XPR1: variants seen among roughly 807,000 people sequenced by gnomAD.
The protein encoded by XPR1 is solute carrier family 53 member 1.
Under a neutral mutation model 87.5 loss-of-function variants are expected in XPR1, and 28 were observed. The observed-to-expected ratio is 0.32, with a 90% CI of 0.24 to 0.44. The LOEUF (loss-of-function observed/expected upper bound fraction) is 0.44, where lower values mean the gene tolerates loss of function less well. XPR1 is among the 20% of genes least tolerant of loss of function. The probability of loss-of-function intolerance (pLI) is 1.00; values close to 1 mark genes in which losing one functional copy is unlikely to be tolerated. For missense variants in XPR1, 559 were observed against 862.3 expected, an observed-to-expected ratio of 0.65 and a Z score of 4.41; for synonymous variants, 300 against 306.1, an observed-to-expected ratio of 0.98 and a Z score of 0.21.
intron 2 of XPR1, among the ~76,000 whole-genome samples, chr1:180,756,456 A>G (rs1236116740): frequency 6.6e-6 from 1 of 152,184 alleles, no homozygotes; most frequent in Non-Finnish European, 1.5e-5. Flanking sequence ...AAGTCTATTC[A>G]CATCCTCTGC....
At chr1:180,801,720 T>A (rs1366396353) in intron 3 of XPR1, among the ~76,000 whole-genome samples, 1 of 151,948 alleles carries the variant, frequency 6.6e-6, no homozygotes, top group East Asian at 1.9e-4. Context: ...GCATAAGTTG[T>A]AAATAATTCT....
At chr1:180,819,004 C>T (rs1259331344) in intron 7 of XPR1, among the ~76,000 whole-genome samples, 1 of 152,132 alleles carries the variant, frequency 6.6e-6, no homozygotes, top group African/African-American at 2.4e-5. Context: ...GGCTGGAGTA[C>T]AGTGGCCCCA....
chr1:180,884,260 T>G lies in XPR1; in HGVS notation c.*194T>G, dbSNP rs558532312. On this transcript the variant is annotated 3_prime_UTR_variant, in exon 15 of 15. Transcript: ENST00000367590. ...TCTTTTCTTTTCTTCTGGTTTAATT[T>G]TAATTTTCTATTTTCAAAACAAATA... 6.6e-4 allele frequency: 319 copies of G among 479,950 alleles called. 2 individuals carry two copies. The highest frequency in any genetic ancestry group is 6.0e-3 in the African/African-American group (301 of 50,382). 29.7% of individuals were successfully genotyped at this position (479,950 alleles called of 1,614,324 possible).
At chr1:180,651,946 G>T (rs1218501922) in intron 1 of XPR1, among the ~76,000 whole-genome samples, 1 of 152,196 alleles carries the variant, frequency 6.6e-6, no homozygotes, top group East Asian at 1.9e-4. Context: ...TACAAAGCCT[G>T]TGCAGTTTAC....
At chr1:180,727,191 T>C (rs1424998390) in intron 2 of XPR1, among the ~76,000 whole-genome samples, 1 of 151,922 alleles carries the variant, frequency 6.6e-6, no homozygotes, top group South Asian at 2.1e-4. Context: ...TCTAATATGA[T>C]GAAGAACAAG....
chr1:180,839,808 G>A (rs146860371), intron 11 of XPR1, among the ~76,000 whole-genome samples: 1 of 152,282 alleles, frequency 6.6e-6, no homozygotes, highest in East Asian at 1.9e-4. Context: ...CTTCTGGATG[G>A]TAAATTGTGA....
intron 3 of XPR1, among the ~76,000 whole-genome samples, chr1:180,792,102 T>C (rs1243290854): frequency 6.6e-6 from 1 of 152,188 alleles, no homozygotes; most frequent in Non-Finnish European, 1.5e-5. Flanking sequence ...GTATCTTTTT[T>C]CCCTCATTTA....
At chr1:180,827,516 G>A (rs1650893792) in intron 9 of XPR1, among the ~76,000 whole-genome samples, 1 of 152,170 alleles carries the variant, frequency 6.6e-6, no homozygotes, top group African/African-American at 2.4e-5. Context: ...TGCATCTGCT[G>A]TGTTTTTGCT....
intron 2 of XPR1, among the ~76,000 whole-genome samples, chr1:180,724,487 T>C (rs1287987015): frequency 1.3e-5 from 2 of 152,152 alleles, no homozygotes; most frequent in African/African-American, 4.8e-5. Context: ...ATGGAGGAAG[T>C]GACTTACAGA....
At chr1:180,865,622 A>AGT (rs1361576250) in intron 12 of XPR1, among the ~76,000 whole-genome samples, 1 of 152,034 alleles carries the variant, frequency 6.6e-6, no homozygotes, top group African/African-American at 2.4e-5. Flanking sequence ...GGATGGTCTC[A>AGT]GTCTCCTGAC....
intron 2 of XPR1, among the ~76,000 whole-genome samples, chr1:180,743,225 G>T (rs1364389528): frequency 4.1e-5 from 4 of 97,934 alleles, no homozygotes; most frequent in East Asian, 5.0e-4. Context: ...TTTTTTTTTT[G>T]GGGGGGGAGT....
At chr1:180,840,317 T>C (rs140107225) in intron 11 of XPR1, among the ~76,000 whole-genome samples, 6 of 151,886 alleles carry the variant, frequency 4.0e-5, no homozygotes, top group Admixed American at 3.9e-4. Context: ...AAATTTATAT[T>C]ACATTTACAA....
rs942156489 is a variant in XPR1, at chr1:180,731,105, C to T, written c.121+48694C>T. 1.4e-4 allele frequency among the ~76,000 whole-genome samples: 21 copies of T among 152,134 alleles called. 1 individual carries two copies. The highest frequency in any genetic ancestry group is 7.7e-4 in the East Asian group (4 of 5,184). On this transcript the variant is annotated intron_variant, in intron 2 of 14. Transcript: ENST00000367590. The stretch of plus-strand genomic sequence containing the variant: ...GATAATTAAAGTGGTTATGATATAC[C>T]ATTTTACTAGTGCCTAGTTTAGAAT...
At chr1:180,816,287 C>T (rs1274431658) in intron 7 of XPR1, among the ~76,000 whole-genome samples, 1 of 152,196 alleles carries the variant, frequency 6.6e-6, no homozygotes, top group South Asian at 2.1e-4. Context: ...CCCTCCCATG[C>T]GCAGCTCACA....
At chr1:180,854,158 A>C (rs1452191226) in intron 11 of XPR1, among the ~76,000 whole-genome samples, 1 of 152,232 alleles carries the variant, frequency 6.6e-6, no homozygotes, top group Non-Finnish European at 1.5e-5. Context: ...ACTTTTTCAC[A>C]TTCAACTTAT....
chr1:180,796,942 A>G (rs139694417), intron 3 of XPR1, among the ~76,000 whole-genome samples: 192 of 152,318 alleles, frequency 1.3e-3, no homozygotes, highest in African/African-American at 4.5e-3. Flanking sequence ...ATTCTTTTAC[A>G]TGAAATGTTC....
At chr1:180,667,261 A>G (rs1433412364) in intron 1 of XPR1, among the ~76,000 whole-genome samples, 2 of 151,880 alleles carry the variant, frequency 1.3e-5, no homozygotes, top group Non-Finnish European at 2.9e-5. Context: ...ATATGGCTTT[A>G]TTATCTTGAG....
intron 13 of XPR1, among the ~76,000 whole-genome samples, chr1:180,875,146 T>TC (rs1252536939): frequency 6.6e-6 from 1 of 152,060 alleles, no homozygotes; most frequent in Non-Finnish European, 1.5e-5. Flanking sequence ...AACTCAAAAG[T>TC]CCCAAATGTT....
At chr1:180,652,118 C>T (rs566673520) in intron 1 of XPR1, among the ~76,000 whole-genome samples, 1 of 152,028 alleles carries the variant, frequency 6.6e-6, no homozygotes, top group Non-Finnish European at 1.5e-5. Context: ...ATGGTGAAAC[C>T]CTGTCTCTAC....
Sources: allele counts gnomAD v4.1 joint callset (sites outside exome capture counted in the v4.1 genomes callset), GRCh38; gene constraint gnomAD v4.1.1; transcripts MANE v1.5; gene names NCBI Gene and HGNC (gene_info 2026-07-23, HGNC 2026-07-21).